CHORDC1: variants seen among roughly 807,000 people sequenced by gnomAD.
CHORDC1 encodes the protein cysteine and histidine rich domain containing 1, also known as cysteine and histidine-rich domain-containing protein 1.
Under a neutral mutation model 48.3 loss-of-function variants are expected in CHORDC1, and 25 were observed. The ratio of observed to expected loss-of-function variants is 0.52; its 90% CI spans 0.38 to 0.72. The LOEUF is 0.72. Ranked by LOEUF, CHORDC1 falls within the 30% of genes least tolerant of loss-of-function variation. CHORDC1 has a pLI of 0.00. For synonymous variants in CHORDC1, 128 were observed against 126.4 expected, an observed-to-expected ratio of 1.01 and a Z score of -0.09; for missense variants, 317 against 388.7, an observed-to-expected ratio of 0.82 and a Z score of 1.55.
rs1278058621 is a variant in CHORDC1, at chr11:90,206,230, G to C, written c.535C>G (p.His179Asp). Residue 179 changes from histidine to aspartate, a missense_variant, in exon 7 of 11, where the codon CAT becomes GAT. Transcript: ENST00000320585. ...LESLEEVCVY[H>D]SGVPIFHEGM... ...TCATGGAAAATAGGTACTCCAGAAT[G>C]ATATACACAGACTTCTTCTAGACTC... 2 of 1,572,686 alleles carry C rather than the reference G, an allele frequency of 1.3e-6. No individual in the cohort carries two copies. Among genetic ancestry groups the C allele is most frequent in the Non-Finnish European group, 1.8e-6 (2 of 1,142,574 alleles).
intron 1 of CHORDC1, among the ~76,000 whole-genome samples, chr11:90,219,531 T>C (rs1858109960): frequency 6.6e-6 from 1 of 152,180 alleles, no homozygotes; most frequent in Non-Finnish European, 1.5e-5. Flanking sequence ...TCTACCTGAA[T>C]GAGGGCAAGG....
intron 1 of CHORDC1, among the ~76,000 whole-genome samples, chr11:90,219,968 T>C (rs1236755734): frequency 1.3e-5 from 2 of 152,244 alleles, no homozygotes; most frequent in Non-Finnish European, 2.9e-5. Flanking sequence ...TTGTCCAACA[T>C]GCCGCCCCAG....
chr11:90,211,392 T>TA, intron 4 of CHORDC1, 74 bp from the exon 5 acceptor site: 1 of 961,928 alleles, frequency 1.0e-6, no homozygotes, highest in Admixed American at 2.1e-5. Context: ...TTAATAACCT[T>TA]AAAAGCTTTC....
chr11:90,211,410 C>A (rs1321619049), intron 4 of CHORDC1, 92 bp from the exon 5 acceptor site: 1 of 785,242 alleles, frequency 1.3e-6, no homozygotes, highest in Non-Finnish European at 2.2e-6. Context: ...TTCTGAGAAG[C>A]CAAATGCTTT....
At chr11:90,215,046 T>C in intron 3 of CHORDC1, 128 bp downstream of exon 3, 3 of 468,640 alleles carry the variant, frequency 6.4e-6, no homozygotes, top group South Asian at 1.1e-4. Context: ...AGCTGCTTTT[T>C]GAAAGGTGTT....
At position 90,206,285 on chromosome 11, in the gene CHORDC1, CAA is replaced by C. The variant is rs762215937; in HGVS notation, c.493-15_493-14del. 2.9e-5 allele frequency: 41 copies of C among 1,417,876 alleles called. 1 individual carries two copies. The highest frequency in any genetic ancestry group is 2.5e-4 in the African/African-American group (18 of 71,370). 87.8% of individuals were successfully genotyped at this position (1,417,876 alleles called of 1,614,324 possible). ...GACCCTGGTATGTCTAAAAAGGAAACAAAGAGAAAAAAAATTAGCTGCGTATC... is the reference window on the plus strand; with the variant it reads ...GACCCTGGTATGTCTAAAAAGGAAACAGAGAAAAAAAATTAGCTGCGTATC... On this transcript the variant is annotated splice_polypyrimidine_tract_variant and intron_variant, in intron 6 of 10. Transcript: ENST00000320585.
At chr11:90,212,213 A>G (rs10830443) in intron 4 of CHORDC1, 92,950 of 152,052 alleles carry the variant, frequency 0.61, 30,001 homozygotes, top group South Asian at 0.75. Flanking sequence ...GGTGTGTGAC[A>G]GACCTAGTGG....
At chr11:90,208,696 G>A (rs1454323465) in intron 6 of CHORDC1, 1 of 152,140 alleles carries the variant, frequency 6.6e-6, no homozygotes, top group Non-Finnish European at 1.5e-5. Context: ...AACATTTGAG[G>A]AAGATAATGA....
intron 10 of CHORDC1, 105 bp from the exon 11 acceptor site, chr11:90,202,656 A>T: frequency 7.0e-7 from 1 of 1,418,468 alleles, no homozygotes; most frequent in Non-Finnish European, 9.6e-7. Flanking sequence ...CAAGCTTCTA[A>T]AGGCCTCTTT....
intron 5 of CHORDC1, 102 bp downstream of exon 5, chr11:90,211,113 G>A (rs1046572661): frequency 4.1e-6 from 3 of 736,022 alleles, no homozygotes; most frequent in Non-Finnish European, 6.6e-6. Flanking sequence ...TACAATGTGC[G>A]ACTTTTCCCT....
At chr11:90,205,687 A>G (rs1857661687) in intron 7 of CHORDC1, 122 bp from the exon 8 acceptor site, 1 of 639,532 alleles carries the variant, frequency 1.6e-6, no homozygotes, top group Admixed American at 3.2e-5. Flanking sequence ...AGCATTTTAC[A>G]AGTGTCTAAG....
At chr11:90,205,895 T>C (rs1857667520) in intron 7 of CHORDC1, 2 of 433,330 alleles carry the variant, frequency 4.6e-6, no homozygotes, top group Non-Finnish European at 8.2e-6. Context: ...TGCCCTGCAA[T>C]GTGTAGGACA....
intron 3 of CHORDC1, 28 bp downstream of exon 3, chr11:90,215,146 T>A: frequency 7.9e-7 from 1 of 1,263,220 alleles, no homozygotes; most frequent in Non-Finnish European, 1.1e-6. Context: ...TTTAGGAAGA[T>A]AATCTAGAAA....
intron 1 of CHORDC1, among the ~76,000 whole-genome samples, chr11:90,222,313 A>G (rs1175529052): frequency 6.6e-6 from 1 of 152,238 alleles, no homozygotes; most frequent in African/African-American, 2.4e-5. Flanking sequence ...TACCACCAGG[A>G]TGAACCTATC....
At chr11:90,203,558 AACTT>A (rs1857593938) in intron 8 of CHORDC1, 131 bp from the exon 9 acceptor site, 10 of 662,886 alleles carry the variant, frequency 1.5e-5, no homozygotes, top group Non-Finnish European at 2.4e-5. Flanking sequence ...AAGGGCAAAA[AACTT>A]CTATATTTCC....
chr11:90,209,054 C>T (rs1591052728), intron 6 of CHORDC1: 1 of 152,322 alleles, frequency 6.6e-6, no homozygotes, highest in East Asian at 1.9e-4. Context: ...CTTTTCAAAA[C>T]ACATCTGATA....
chr11:90,214,341 C>T lies in CHORDC1; in HGVS notation c.172-166G>A, dbSNP rs546028430. Among the ~76,000 whole-genome samples the T allele has an allele frequency of 8.5e-5, 13 of 152,192 alleles. No individual in the cohort carries two copies. In the East Asian group the frequency reaches 1.7e-3, roughly 20 times the overall value. On this transcript the variant is annotated intron_variant, in intron 3 of 10. Coordinates refer to ENST00000320585, the MANE Select transcript of CHORDC1 (RefSeq NM_012124.3). ...CAGAACTCCAAATTTGCCATATTTG[C>T]TGAATCTCTGAATGACGGCTTTTTT...
rs1784607452 is a variant in CHORDC1, at chr11:90,201,256, A to T, written c.*1149T>A. On this transcript the variant is annotated 3_prime_UTR_variant, in exon 11 of 11. Transcript: ENST00000320585. ...CTACATAAGTTTAATTTATTCCCAA[A>T]CTTTCTAAGTTCTTCCAGAGTTCTG... is the stretch of plus-strand genomic sequence containing the variant. 1 of 151,880 alleles carries T rather than the reference A, an allele frequency of 6.6e-6. No homozygotes were observed. Among genetic ancestry groups the T allele is most frequent in the South Asian group, 2.1e-4 (1 of 4,826 alleles). 9.4% of individuals were successfully genotyped at this position (151,880 alleles called of 1,614,324 possible).
intron 6 of CHORDC1, chr11:90,208,864 C>T (rs1273496996): frequency 6.6e-6 from 1 of 152,196 alleles, no homozygotes; most frequent in East Asian, 1.9e-4. Context: ...ATGGCCTCCA[C>T]ACTCTAACGT....
Sources: gnomAD v4.1 joint callset for allele counts (sites outside exome capture counted in the v4.1 genomes callset) on GRCh38, gnomAD v4.1.1 for gene constraint, MANE v1.5 for transcripts, NCBI Gene and HGNC (gene_info 2026-07-23, HGNC 2026-07-21) for gene names.